The following POC5 variants were observed in gnomAD, a reference collection of about 807,000 sequenced individuals.
POC5 encodes the protein POC5 centriolar protein.
Under a neutral mutation model 62.9 loss-of-function variants are expected in POC5, and 48 were observed. The ratio of observed to expected loss-of-function variants is 0.76; its 90% CI spans 0.61 to 0.97. POC5 has a LOEUF of 0.97. Among genes scored for constraint, POC5 ranks in the 50% least tolerant of loss-of-function variants. POC5 has a pLI of 0.00. For synonymous variants in POC5, 236 were observed against 228.2 expected (o/e 1.03, Z -0.31); for missense variants, 696 against 679.5 (o/e 1.02, Z -0.27).
At chr5:75,697,235 AC>A (rs1776643659) in intron 5 of POC5, among the ~76,000 whole-genome samples, 1 of 152,202 alleles carries the variant, frequency 6.6e-6, no homozygotes, top group African/African-American at 2.4e-5. Context: ...GAGAAGAGCA[AC>A]ACCAAGACAC....
chr5:75,690,396 G>C lies in POC5; in HGVS notation c.962C>G (p.Ala321Gly). 6.2e-7 allele frequency: 1 copy of C among 1,609,020 alleles called. No individual in the cohort carries two copies. The highest frequency in any genetic ancestry group is 8.5e-7 in the Non-Finnish European group (1 of 1,178,024). ...VCIQISNDYEAKVAMLSGALE... is the reference protein window; with the variant it reads ...VCIQISNDYEGKVAMLSGALE... ...AAAGATGCTTACCATAGCAACTTTGGCTTCATAATCATTGGAAATCTGGAT... is the reference window on the plus strand; with the variant it reads ...AAAGATGCTTACCATAGCAACTTTGCCTTCATAATCATTGGAAATCTGGAT... The change falls in exon 8 of 12, where the codon GCC (alanine) becomes GGC (glycine). Residue 321 changes from alanine to glycine, a missense_variant. By Grantham distance (60) the Ala-to-Gly change is moderately conservative. Coordinates refer to ENST00000428202, the MANE Select transcript of POC5 (RefSeq NM_001099271.2).
At chr5:75,686,591 GT>G (rs1253141044) in intron 9 of POC5, among the ~76,000 whole-genome samples, 1 of 152,172 alleles carries the variant, frequency 6.6e-6, no homozygotes, top group East Asian at 1.9e-4. Flanking sequence ...CACACACTGA[GT>G]TTTAACTTGT....
chr5:75,690,017 C>T (rs1169503489), intron 8 of POC5, among the ~76,000 whole-genome samples: 4 of 152,126 alleles, frequency 2.6e-5, no homozygotes, highest in African/African-American at 9.7e-5. Flanking sequence ...TCCCGAGTAG[C>T]GGGTATTATA....
Position 75,690,469 on chromosome 5 carries a change from T to C in POC5, c.889A>G (p.Lys297Glu). The change falls in exon 8 of 12, where the codon AAA (lysine) becomes GAA (glutamate). Residue 297 changes from lysine to glutamate, a missense_variant. By Grantham distance (56) the Lys-to-Glu change is moderately conservative. Coordinates refer to ENST00000428202, the MANE Select transcript of POC5 (RefSeq NM_001099271.2). The part of the protein sequence containing the change: ...VWRSVVQKQW[K>E]DVVERACQAR... ...TGACAAGCTCTTTCTACCACATCTT[T>C]CCACTGCTTTTGCACTACGGAACGC... 6.2e-7 allele frequency: 1 copy of C among 1,611,416 alleles called. No homozygotes were observed. Among genetic ancestry groups the C allele is most frequent in the Non-Finnish European group, 8.5e-7 (1 of 1,178,650 alleles).
chr5:75,686,132 T>G (rs530306159), intron 9 of POC5, among the ~76,000 whole-genome samples: 4 of 152,184 alleles, frequency 2.6e-5, no homozygotes, highest in Non-Finnish European at 4.4e-5. Context: ...TCACTAACCT[T>G]CCCTCAAAAC....
chr5:75,695,853 A>G (rs377603206), intron 5 of POC5, among the ~76,000 whole-genome samples: 37,066 of 151,888 alleles, frequency 0.24, 4,711 homozygotes, highest in South Asian at 0.32. Context: ...CAGTGGGTGC[A>G]TGCACCGTGC....
chr5:75,699,805 A>T (rs1050629762), intron 5 of POC5, among the ~76,000 whole-genome samples: 5 of 138,514 alleles, frequency 3.6e-5, no homozygotes, highest in Non-Finnish European at 6.5e-5. Context: ...ACATGATTGT[A>T]TATCTAGAAA....
At chr5:75,698,475 C>T (rs537762931) in intron 5 of POC5, among the ~76,000 whole-genome samples, 1 of 151,998 alleles carries the variant, frequency 6.6e-6, no homozygotes, top group Non-Finnish European at 1.5e-5. Context: ...CTACTGGGTA[C>T]ATAATGAAAT....
At chr5:75,682,068 C>T (rs1382552990) in intron 10 of POC5, among the ~76,000 whole-genome samples, 2 of 152,240 alleles carry the variant, frequency 1.3e-5, no homozygotes, top group African/African-American at 4.8e-5. Flanking sequence ...AGGCCACTTA[C>T]TTATGTGACT....
At position 75,692,403 on chromosome 5, in the gene POC5, C is replaced by G; in HGVS notation, c.788G>C (p.Arg263Thr). The change falls in exon 7 of 12, where the codon AGA (arginine) becomes ACA (threonine). Residue 263 changes from arginine to threonine, a missense_variant. Coordinates refer to ENST00000428202, the MANE Select transcript of POC5 (RefSeq NM_001099271.2). Reference sequence around the variant, plus strand: ...TTCTGCTTTGACACTTACATCCTGTCTGGCTCTGACATGGCCGATTCGCCA... The same window carrying G: ...TTCTGCTTTGACACTTACATCCTGTGTGGCTCTGACATGGCCGATTCGCCA... ...FHWRIGHVRA[R>T]QDVYEGKLAD... The G allele has an allele frequency of 6.3e-7, 1 of 1,586,010 alleles. No homozygotes were observed. The highest frequency in any genetic ancestry group is 8.6e-7 in the Non-Finnish European group (1 of 1,165,348).
intron 10 of POC5, 39 bp downstream of exon 10, chr5:75,685,168 C>T: frequency 3.9e-6 from 6 of 1,551,580 alleles, no homozygotes; most frequent in Non-Finnish European, 5.2e-6. Flanking sequence ...GGCCTGGCCG[C>T]CCTTTTCATA....
intron 2 of POC5, among the ~76,000 whole-genome samples, chr5:75,708,347 T>C (rs1479164239): frequency 6.6e-6 from 1 of 152,056 alleles, no homozygotes. Context: ...ATCCTGTCTC[T>C]GGGGAAACAA....
intron 5 of POC5, among the ~76,000 whole-genome samples, chr5:75,696,482 G>A (rs1418214446): frequency 2.6e-5 from 4 of 152,046 alleles, no homozygotes; most frequent in Middle Eastern, 3.4e-3. Flanking sequence ...TACTCCAACA[G>A]ACCTGCAGCT....
chr5:75,702,512 A>T (rs1420712989), intron 5 of POC5, 93 bp downstream of exon 5: 5 of 1,215,700 alleles, frequency 4.1e-6, no homozygotes, highest in Non-Finnish European at 5.7e-6. Context: ...ATTTTTAGAA[A>T]GTTTAACTCA....
rs1777415919 is a variant in POC5 at position 75,713,089 on chromosome 5, G to A, written c.-14-138C>T. 4.8e-6 allele frequency: 3 copies of A among 620,986 alleles called. No homozygotes were observed. In the South Asian group the frequency reaches 7.7e-5, roughly 16 times the overall value. The allele number at this position is 620,986 out of a possible 1,614,324, so 38.5% of individuals were successfully genotyped here. On this transcript the variant is annotated intron_variant, in intron 1 of 11. Transcript: ENST00000428202. ...TAAAATCATTCATTCAACATATTGA[G>A]TACCTACAGGCAAAAAATCACTGGG...
chr5:75,701,575 TG>T (rs1223265160), intron 5 of POC5, among the ~76,000 whole-genome samples: 2 of 81,310 alleles, frequency 2.5e-5, no homozygotes, highest in African/African-American at 5.1e-5. Context: ...TGTTGTTGGG[TG>T]GGGGGAGGGG....
In POC5 at chr5:75,694,714, T is replaced by C. The variant is rs1289849286; in HGVS notation, c.631A>G (p.Ile211Val). ...AAHLKQLCNQINELKELQKTF... is the reference protein window; with the variant it reads ...AAHLKQLCNQVNELKELQKTF... ...TTTTGCAGCTCCTTCAATTCATTGA[T>C]CTGATTACACAGTTGTTTTAAATGT... is the stretch of plus-strand genomic sequence containing the variant. Residue 211 changes from isoleucine to valine, a missense_variant, in exon 6 of 12, where the codon ATC becomes GTC. Transcript: ENST00000428202. 1.9e-6 allele frequency: 3 copies of C among 1,597,396 alleles called. No homozygotes were observed. Among genetic ancestry groups the C allele is most frequent in the Non-Finnish European group, 2.6e-6 (3 of 1,173,062 alleles).
intron 10 of POC5, among the ~76,000 whole-genome samples, chr5:75,684,973 T>C (rs774742130): frequency 1.8e-4 from 28 of 151,912 alleles, no homozygotes; most frequent in Non-Finnish European, 3.5e-4. Flanking sequence ...GTTCACGCCA[T>C]TCTCCTGCCT....
chr5:75,686,374 T>C (rs111272999), intron 9 of POC5, among the ~76,000 whole-genome samples: 22 of 152,266 alleles, frequency 1.4e-4, no homozygotes, highest in African/African-American at 5.3e-4. Context: ...TTTAAATGGT[T>C]TTCTATGTAG....
Sources: allele counts gnomAD v4.1 joint callset (sites outside exome capture counted in the v4.1 genomes callset), GRCh38; gene constraint gnomAD v4.1.1; transcripts MANE v1.5; gene names NCBI Gene and HGNC (gene_info 2026-07-23, HGNC 2026-07-21).